ZNF214: variants seen among roughly 807,000 people sequenced by gnomAD.
The protein encoded by ZNF214 is zinc finger protein 214.
In ZNF214, 43 loss-of-function variants were observed where a neutral mutation model predicts 53.9. That is an observed-to-expected ratio of 0.80 (90% CI 0.63 to 1.03). The LOEUF (loss-of-function observed/expected upper bound fraction) is 1.03, where lower values mean the gene tolerates loss of function less well. Among genes scored for constraint, ZNF214 ranks in the 50% least tolerant of loss-of-function variants. The pLI, the probability that ZNF214 is intolerant of heterozygous loss-of-function variation, is 0.00. For synonymous variants in ZNF214, 217 were observed against 229.5 expected, an observed-to-expected ratio of 0.95 and a Z score of 0.49; for missense variants, 724 against 719.1, an observed-to-expected ratio of 1.01 and a Z score of -0.08.
rs1162327658 is a variant in ZNF214 at position 7,000,844 on chromosome 11, A to G, written c.839T>C (p.Val280Ala). ...IGKKLYGCDE[V>A]DGNFHQSSGV... ...GGAGCTCTGATGAAAGTTACCGTCAACTTCATCACATCCGTACAGCTTCTT... is the reference window on the plus strand; with the variant it reads ...GGAGCTCTGATGAAAGTTACCGTCAGCTTCATCACATCCGTACAGCTTCTT... The change falls in exon 3 of 3, where the codon GTT (valine) becomes GCT (alanine). Residue 280 changes from valine (V) to alanine (A), a missense_variant. Coordinates refer to ENST00000278314, the MANE Select transcript of ZNF214 (RefSeq NM_013249.4). The G allele has an allele frequency of 6.2e-7, 1 of 1,612,422 alleles. No individual in the cohort carries two copies. Among genetic ancestry groups the G allele is most frequent in the African/African-American group, 1.3e-5 (1 of 74,824 alleles).
intron 1 of ZNF214, among the ~76,000 whole-genome samples, chr11:7,003,079 G>GT (rs1851390986): frequency 2.0e-5 from 3 of 151,988 alleles, no homozygotes; most frequent in South Asian, 2.1e-4. Flanking sequence ...TGTCTACTAA[G>GT]TTTTTTACCT....
intron 2 of ZNF214, among the ~76,000 whole-genome samples, chr11:7,002,124 C>T (rs192609286): frequency 1.3e-5 from 2 of 151,900 alleles, no homozygotes; most frequent in Admixed American, 6.6e-5. Flanking sequence ...TGCCCTCTCT[C>T]GATGCTTTTG....
chr11:6,997,466 T>G lies in ZNF214; in HGVS notation c.*2396A>C, dbSNP rs889870432. 4.0e-5 allele frequency among the ~76,000 whole-genome samples: 6 copies of G among 151,818 alleles called. No homozygotes were observed. The highest frequency in any genetic ancestry group is 1.5e-4 in the African/African-American group (6 of 41,378). On this transcript the variant is annotated 3_prime_UTR_variant, in exon 3 of 3. Transcript: ENST00000278314. The stretch of plus-strand genomic sequence containing the variant: ...TATTTTAATATTTTAGGCCAACTTC[T>G]TGGGGATTTTTTTGGTAGTCATTGC...
In ZNF214 at chr11:6,999,727, A is replaced by T; in HGVS notation, c.*135T>A. ...TCTCCTTTTGAAGCAAATAATTCTT[A>T]GTGGGAGATAGGGGAAACTATAAAT... On this transcript the variant is annotated 3_prime_UTR_variant, in exon 3 of 3. Transcript: ENST00000278314. 1 of 916,552 alleles carries T rather than the reference A, an allele frequency of 1.1e-6. No individual in the cohort carries two copies. The highest frequency in any genetic ancestry group is 1.5e-6 in the Non-Finnish European group (1 of 646,666). The allele number at this position is 916,552 out of a possible 1,614,324, so 56.8% of individuals were successfully genotyped here.
chr11:7,008,610 G>T (rs2087719), intron 1 of ZNF214, among the ~76,000 whole-genome samples: 87,275 of 151,598 alleles, frequency 0.58, 26,019 homozygotes, highest in East Asian at 0.74. Flanking sequence ...TAGAAAGAAA[G>T]AAAAGGCATC....
chr11:6,997,438 G>A lies in ZNF214; in HGVS notation c.*2424C>T, dbSNP rs746273900. Among the ~76,000 whole-genome samples the A allele has an allele frequency of 3.3e-5, 5 of 151,672 alleles. No individual in the cohort carries two copies. Among genetic ancestry groups the A allele is most frequent in the East Asian group, 1.9e-4 (1 of 5,188 alleles). On this transcript the variant is annotated 3_prime_UTR_variant, in exon 3 of 3. Coordinates refer to ENST00000278314, the MANE Select transcript of ZNF214 (RefSeq NM_013249.4). The stretch of plus-strand genomic sequence containing the variant: ...CATTTGGCTTTAATCATCTTGATCC[G>A]TTTATTTTAATATTTTAGGCCAACT...
chr11:7,002,657 C>T, intron 2 of ZNF214, 52 bp downstream of exon 2: 1 of 1,494,930 alleles, frequency 6.7e-7, no homozygotes, highest in Non-Finnish European at 8.9e-7. Flanking sequence ...AAATACTCAA[C>T]AAAACTGCTC....
intron 1 of ZNF214, among the ~76,000 whole-genome samples, chr11:7,007,172 T>C (rs1851489567): frequency 6.6e-6 from 1 of 151,648 alleles, no homozygotes; most frequent in South Asian, 2.1e-4. Flanking sequence ...ATTTAAAAAG[T>C]CAGTAGGGGT....
At chr11:7,004,553 A>G (rs1417628468) in intron 1 of ZNF214, among the ~76,000 whole-genome samples, 1 of 152,084 alleles carries the variant, frequency 6.6e-6, no homozygotes, top group Non-Finnish European at 1.5e-5. Context: ...AATAGGAAAT[A>G]AAGTGGATAA....
chr11:7,003,120 T>C (rs887853815), intron 1 of ZNF214, among the ~76,000 whole-genome samples: 2 of 151,998 alleles, frequency 1.3e-5, no homozygotes, highest in African/African-American at 4.8e-5. Context: ...AGAAATCCCA[T>C]GTTGTAGGTA....
At chr11:7,013,280 G>C (rs1851650934) in intron 1 of ZNF214, among the ~76,000 whole-genome samples, 1 of 152,220 alleles carries the variant, frequency 6.6e-6, no homozygotes, top group African/African-American at 2.4e-5. Context: ...CCACCTTTCA[G>C]TGGAAACAAT....
rs745960006 is a variant in ZNF214, at chr11:7,002,766, GAGA to G, written c.67_69del (p.Ser23del). ...ATGACCTCCCTGTAGAGTCTTTTTT[GAGA>G]AGAATCCAGGAATTTCCACTCCTCC... is the stretch of plus-strand genomic sequence containing the variant. On this transcript the variant is annotated inframe_deletion, in exon 2 of 3. Transcript: ENST00000278314. The G allele has an allele frequency of 1.9e-6, 3 of 1,609,078 alleles. No homozygotes were observed. Among genetic ancestry groups the G allele is most frequent in the Admixed American group, 1.7e-5 (1 of 59,306 alleles).
At chr11:7,018,889 A>T (rs906254428) in intron 1 of ZNF214, among the ~76,000 whole-genome samples, 4 of 152,174 alleles carry the variant, frequency 2.6e-5, no homozygotes, top group Admixed American at 6.5e-5. Context: ...ATGAATGAGT[A>T]AATGTTGGGA....
At chr11:7,010,699 GA>G (rs2041551471) in intron 1 of ZNF214, among the ~76,000 whole-genome samples, 1 of 142,550 alleles carries the variant, frequency 7.0e-6, no homozygotes, top group Non-Finnish European at 1.5e-5. Flanking sequence ...AAAGATATAA[GA>G]AACAAATAAA....
intron 1 of ZNF214, among the ~76,000 whole-genome samples, chr11:7,016,417 A>G (rs886191939): frequency 6.6e-6 from 1 of 152,202 alleles, no homozygotes; most frequent in African/African-American, 2.4e-5. Context: ...TATTATATAT[A>G]TGTTCCTTTT....
At position 7,020,111 on chromosome 11, in the gene ZNF214, AC is replaced by A. The variant is rs1212738779; in HGVS notation, c.-60del. ...TAACGTGGGAGAGAAGCCGTGATGT[AC>A]CCATCTACACGGGTGTCTCTGGGGT... On this transcript the variant is annotated 5_prime_UTR_variant, in exon 1 of 3. An upstream open reading frame in the 5' UTR loses its in-frame stop. Transcript: ENST00000278314. The A allele has an allele frequency of 6.6e-6, 1 of 150,722 alleles. No individual in the cohort carries two copies. The highest frequency in any genetic ancestry group is 2.0e-4 in the East Asian group (1 of 5,052). The allele number at this position is 150,722 out of a possible 1,614,324, so 9.3% of individuals were successfully genotyped here.
At chr11:7,017,386 A>G (rs1238775099) in intron 1 of ZNF214, among the ~76,000 whole-genome samples, 1 of 152,208 alleles carries the variant, frequency 6.6e-6, no homozygotes, top group East Asian at 1.9e-4. Context: ...GAGAAAATAA[A>G]AAGACATATA....
At chr11:7,017,646 C>T (rs768986673) in intron 1 of ZNF214, among the ~76,000 whole-genome samples, 5 of 150,966 alleles carry the variant, frequency 3.3e-5, no homozygotes, top group Non-Finnish European at 7.4e-5. Flanking sequence ...GGCTGAGGCA[C>T]GAGAATTGCT....
In ZNF214 at chr11:6,999,756, G is replaced by T; in HGVS notation, c.*106C>A. ...GGAGATAGGGGAAACTATAAATGTT[G>T]CTTGGGATTACTTGTGTTATTTATA... On this transcript the variant is annotated 3_prime_UTR_variant, in exon 3 of 3. Coordinates refer to ENST00000278314, the MANE Select transcript of ZNF214 (RefSeq NM_013249.4). The T allele has an allele frequency of 8.1e-7, 1 of 1,239,356 alleles. No individual in the cohort carries two copies. The highest frequency in any genetic ancestry group is 2.4e-5 in the East Asian group (1 of 42,236). The allele number at this position is 1,239,356 out of a possible 1,614,324, so 76.8% of individuals were successfully genotyped here. A position where few individuals can be genotyped will look rare whatever the true frequency, so the allele number is the denominator to read the frequency against.
Sources: allele counts gnomAD v4.1 joint callset (sites outside exome capture counted in the v4.1 genomes callset), GRCh38; gene constraint gnomAD v4.1.1; transcripts MANE v1.5; gene names NCBI Gene and HGNC (gene_info 2026-07-23, HGNC 2026-07-21).